Variants in MTREX observed in about 807,000 individuals in gnomAD.
MTREX encodes the protein Mtr4 exosome RNA helicase, also known as exosome RNA helicase MTR4.
In MTREX, 76 loss-of-function variants were observed where a neutral mutation model predicts 135.4. The ratio of observed to expected loss-of-function variants is 0.56; its 90% CI spans 0.47 to 0.68. The LOEUF (loss-of-function observed/expected upper bound fraction) is 0.68. Ranked by LOEUF, MTREX falls within the 30% of genes least tolerant of loss-of-function variation. The pLI is 0.00. For missense variants in MTREX, 920 were observed against 1,262.1 expected, an observed-to-expected ratio of 0.73 and a Z score of 4.11; for synonymous variants, 404 against 401.6, an observed-to-expected ratio of 1.01 and a Z score of -0.07.
chr5:55,353,546 T>C (rs942799284), intron 14 of MTREX, among the ~76,000 whole-genome samples: 8 of 152,068 alleles, frequency 5.3e-5, no homozygotes, highest in Non-Finnish European at 8.8e-5. Flanking sequence ...CTACAAAAAA[T>C]GCAAAAATCA....
chr5:55,320,281 G>A (rs932102766), intron 1 of MTREX, among the ~76,000 whole-genome samples: 3 of 148,986 alleles, frequency 2.0e-5, no homozygotes, highest in Non-Finnish European at 4.4e-5. Context: ...ACAGTGGCAC[G>A]ATCTCAGCTC....
intron 15 of MTREX, among the ~76,000 whole-genome samples, chr5:55,364,109 G>A (rs1002266476): frequency 6.6e-6 from 1 of 152,130 alleles, no homozygotes; most frequent in Non-Finnish European, 1.5e-5. Context: ...CAGAGTGGGG[G>A]TTACGTTTTA....
At chr5:55,364,517 G>T (rs1325216114) in intron 15 of MTREX, among the ~76,000 whole-genome samples, 2 of 152,202 alleles carry the variant, frequency 1.3e-5, no homozygotes, top group African/African-American at 4.8e-5. Flanking sequence ...GGGACTTTAA[G>T]TAATCATATA....
At chr5:55,413,674 CTT>C (rs1750920928) in intron 23 of MTREX, among the ~76,000 whole-genome samples, 1 of 152,132 alleles carries the variant, frequency 6.6e-6, no homozygotes, top group Admixed American at 6.5e-5. Flanking sequence ...TCAGATTAAA[CTT>C]TTAGCTGTCT....
In MTREX at chr5:55,328,774, T is replaced by C; in HGVS notation, c.478T>C (p.Ser160Pro). ...CVDNNQSVLV[S>P]AHTSAGKTVC... ...TGACAATAATCAGTCTGTTCTAGTA[T>C]CTGCACATACCTCAGCGGGAAAAAC... Residue 160 changes from serine (S) to proline (P), a missense_variant, in exon 5 of 27, where the codon TCT becomes CCT. This residue lies in a region of MTREX where 82 missense variants were observed against 107.4 expected (regional missense o/e 0.76). Coordinates refer to ENST00000230640, the MANE Select transcript of MTREX (RefSeq NM_015360.5). The C allele has an allele frequency of 6.2e-7, 1 of 1,612,776 alleles. No homozygotes were observed. Among genetic ancestry groups the C allele is most frequent in the East Asian group, 2.2e-5 (1 of 44,790 alleles).
At chr5:55,397,394 C>T (rs1750661743) in intron 19 of MTREX, 22 bp from the exon 20 acceptor site, 1 of 1,491,116 alleles carries the variant, frequency 6.7e-7, no homozygotes, top group Non-Finnish European at 9.3e-7. Context: ...AACTGTAATA[C>T]TGTATAACTT....
At chr5:55,399,588 C>T (rs1207230405) in intron 20 of MTREX, among the ~76,000 whole-genome samples, 2 of 152,062 alleles carry the variant, frequency 1.3e-5, no homozygotes, top group East Asian at 1.9e-4. Context: ...CCCGGGTTCA[C>T]GCCATTCTCT....
chr5:55,342,266 A>G, intron 7 of MTREX, among the ~76,000 whole-genome samples: 1 of 152,208 alleles, frequency 6.6e-6, no homozygotes, highest in East Asian at 1.9e-4. Flanking sequence ...TCATTCAAGT[A>G]CAGCTCTTTA....
At chr5:55,348,467 G>A (rs573615788) in intron 11 of MTREX, among the ~76,000 whole-genome samples, 5 of 152,276 alleles carry the variant, frequency 3.3e-5, no homozygotes, top group African/African-American at 9.6e-5. Context: ...ATACCAACCC[G>A]ATTATCTTTC....
At chr5:55,362,072 A>G (rs1579870423) in intron 15 of MTREX, among the ~76,000 whole-genome samples, 1 of 137,236 alleles carries the variant, frequency 7.3e-6, no homozygotes, top group South Asian at 2.3e-4. Context: ...ATGCACCACC[A>G]CGTCTGGCTA....
At position 55,400,324 on chromosome 5, in the gene MTREX, A is replaced by C; in HGVS notation, c.2384A>C (p.Gln795Pro). ...IQDQGLKKVIQKVEAFEHRMY... is the reference protein window; with the variant it reads ...IQDQGLKKVIPKVEAFEHRMY... ...GATCAAGGGCTGAAAAAAGTCATTC[A>C]GAAAGTAGAAGCTTTTGAGCATCGA... The change falls in exon 21 of 27, where the codon CAG (glutamine) becomes CCG (proline). Residue 795 changes from glutamine (Q) to proline (P), a missense_variant. By Grantham distance (76) the Gln-to-Pro change is moderately conservative. Coordinates refer to ENST00000230640, the MANE Select transcript of MTREX (RefSeq NM_015360.5). The C allele has an allele frequency of 6.2e-7, 1 of 1,613,718 alleles. No individual in the cohort carries two copies. Among genetic ancestry groups the C allele is most frequent in the Non-Finnish European group, 8.5e-7 (1 of 1,179,766 alleles).
At chr5:55,387,745 A>G (rs905651561) in intron 18 of MTREX, among the ~76,000 whole-genome samples, 2 of 152,160 alleles carry the variant, frequency 1.3e-5, no homozygotes, top group Non-Finnish European at 2.9e-5. Flanking sequence ...CAGTGCTTGT[A>G]CTATTAAATT....
At chr5:55,321,813 T>A (rs1427502465) in intron 1 of MTREX, among the ~76,000 whole-genome samples, 2 of 152,094 alleles carry the variant, frequency 1.3e-5, no homozygotes, top group African/African-American at 2.4e-5. Context: ...TTTGCCATGC[T>A]GTCCAGGCTG....
chr5:55,341,816 T>C (rs754016460), intron 7 of MTREX, 45 bp downstream of exon 7: 1 of 977,718 alleles, frequency 1.0e-6, no homozygotes, highest in South Asian at 1.7e-5. Context: ...CCCTTCAGAA[T>C]GACATTAGGA....
chr5:55,358,124 C>T (rs996452363), intron 14 of MTREX, among the ~76,000 whole-genome samples: 2 of 152,028 alleles, frequency 1.3e-5, no homozygotes, highest in Non-Finnish European at 2.9e-5. Flanking sequence ...ATCACAAGGT[C>T]GGGAGATCAA....
At chr5:55,339,929 A>G (rs184379457) in intron 5 of MTREX, 81 bp from the exon 6 acceptor site, 1 of 1,077,938 alleles carries the variant, frequency 9.3e-7, no homozygotes, top group African/African-American at 1.6e-5. Context: ...GAAAATTTGG[A>G]CACAATTTAA....
chr5:55,387,904 A>G (rs530473986), intron 18 of MTREX, 70 bp from the exon 19 acceptor site: 176 of 1,448,490 alleles, frequency 1.2e-4, no homozygotes, highest in Non-Finnish European at 1.5e-4. Flanking sequence ...TAGTTCCTAT[A>G]CAGATGGAAC....
At chr5:55,345,658 C>G (rs1749720270) in intron 10 of MTREX, among the ~76,000 whole-genome samples, 1 of 148,598 alleles carries the variant, frequency 6.7e-6, no homozygotes, top group Non-Finnish European at 1.5e-5. Context: ...AGGTTCGTTA[C>G]TTTTAATTTT....
At position 55,349,625 on chromosome 5, in the gene MTREX, A is replaced by C. The variant is rs1488112096; in HGVS notation, c.1293A>C (p.Leu431Phe). ...TATTCAGTAATGCAATTGATTGCTT[A>C]TCCGATGAAGATAAAAAACTCCCTC... ...EEVFSNAIDCLSDEDKKLPQV... is the reference protein window; with the variant it reads ...EEVFSNAIDCFSDEDKKLPQV... Residue 431 changes from leucine (L) to phenylalanine (F), a missense_variant, in exon 12 of 27, where the codon TTA becomes TTC. Leu to Phe is a conservative substitution (Grantham distance 22). Around this residue, in one of 6 missense-constraint regions of MTREX, gnomAD observed 101 missense variants for 119.1 expected, o/e 0.85. Transcript: ENST00000230640. 5.6e-6 allele frequency: 9 copies of C among 1,603,702 alleles called. No homozygotes were observed. Among genetic ancestry groups the C allele is most frequent in the Non-Finnish European group, 6.8e-6 (8 of 1,170,928 alleles).
Sources: allele counts gnomAD v4.1 joint callset (sites outside exome capture counted in the v4.1 genomes callset), GRCh38; gene constraint gnomAD v4.1.1; regional missense constraint gnomAD v4.1.1; transcripts MANE v1.5; gene names NCBI Gene and HGNC (gene_info 2026-07-23, HGNC 2026-07-21).